The following PURA variants were observed in gnomAD, a reference collection of about 807,000 sequenced individuals.
PURA encodes the protein purine rich element binding protein A.
In PURA, 2 loss-of-function variants were observed where a neutral mutation model predicts 23.1. That is an observed-to-expected ratio of 0.09 (90% CI 0.04 to 0.27). PURA has a LOEUF of 0.27. Among genes scored for constraint, PURA ranks in the 10% least tolerant of loss-of-function variants. The pLI is 1.00. For missense variants in PURA, 187 were observed against 449.7 expected (o/e 0.42, Z 5.28); for synonymous variants, 254 against 205.9 (o/e 1.23, Z -2.00).
In PURA at chr5:140,124,976, G is replaced by T. The variant is rs1361009369; in HGVS notation, c.*9826G>T. On this transcript the variant is annotated 3_prime_UTR_variant, in exon 1 of 1. Coordinates refer to ENST00000331327, the MANE Select transcript of PURA (RefSeq NM_005859.5). ...AATAAAGGGAAAAGATCAGCAATTT[G>T]TCCCTGGCCTTTTTCGAGGCCATTT... 1.8e-5 allele frequency: 3 copies of T among 167,010 alleles called. No homozygotes were observed. Among genetic ancestry groups the T allele is most frequent in the Non-Finnish European group, 4.4e-5 (3 of 68,090 alleles). The allele number at this position is 167,010 out of a possible 1,614,324, so 10.3% of individuals were successfully genotyped here. A position where few individuals can be genotyped will look rare whatever the true frequency, so the allele number is the denominator to read the frequency against.
rs1033055639 is a variant in PURA, at chr5:140,123,971, C to G, written c.*8821C>G. ...TTTTCAAGTTGTTATATTGAATATT[C>G]CTTTTTGGAATTCAGGGTTGAATCA... On this transcript the variant is annotated 3_prime_UTR_variant, in exon 1 of 1. Coordinates refer to ENST00000331327, the MANE Select transcript of PURA (RefSeq NM_005859.5). 2 of 166,882 alleles carry G rather than the reference C, an allele frequency of 1.2e-5. No individual in the cohort carries two copies. The highest frequency in any genetic ancestry group is 2.9e-5 in the Non-Finnish European group (2 of 68,046). The allele number at this position is 166,882 out of a possible 1,614,324, so 10.3% of individuals were successfully genotyped here.
In PURA at chr5:140,120,155, A is replaced by C. The variant is rs558442798; in HGVS notation, c.*5005A>C. On this transcript the variant is annotated 3_prime_UTR_variant, in exon 1 of 1. Coordinates refer to ENST00000331327, the MANE Select transcript of PURA (RefSeq NM_005859.5). ...GGTGATGACTCTGAGTATAACATTT[A>C]TAGTTTATTATCCCTAAATTTGAAT... 2.4e-3 allele frequency: 406 copies of C among 166,968 alleles called. 3 individuals carry two copies. Among genetic ancestry groups the C allele is most frequent in the Non-Finnish European group, 1.0e-4 (7 of 67,948 alleles). 10.3% of individuals were successfully genotyped at this position (166,968 alleles called of 1,614,324 possible). A position where few individuals can be genotyped will look rare whatever the true frequency, so the allele number is the denominator to read the frequency against.
At position 140,119,670 on chromosome 5, in the gene PURA, A is replaced by C. The variant is rs1686725968; in HGVS notation, c.*4520A>C. Reference sequence around the variant, plus strand: ...ATGTAACTTGACGTTTGGGGGGATTATCTCATTCATTTTTGTTTGTGTGCT... The same window carrying C: ...ATGTAACTTGACGTTTGGGGGGATTCTCTCATTCATTTTTGTTTGTGTGCT... On this transcript the variant is annotated 3_prime_UTR_variant, in exon 1 of 1. Transcript: ENST00000331327. 6.0e-6 allele frequency: 1 copy of C among 166,710 alleles called. No individual in the cohort carries two copies. Among genetic ancestry groups the C allele is most frequent in the Non-Finnish European group, 1.5e-5 (1 of 67,916 alleles). 10.3% of individuals were successfully genotyped at this position (166,710 alleles called of 1,614,324 possible).
At position 140,115,250 on chromosome 5, in the gene PURA, A is replaced by T; in HGVS notation, c.*100A>T. ...CTGTAAAGAAAGAGAGAAAATAAAA[A>T]GTTAAAAAGTTAAAAAAAAAAAAAA... is the stretch of plus-strand genomic sequence containing the variant. On this transcript the variant is annotated 3_prime_UTR_variant, in exon 1 of 1. Transcript: ENST00000331327. The surrounding 1 kb of genome is among the most constrained non-coding windows in gnomAD (Gnocchi z 4.1). The T allele has an allele frequency of 1.3e-6, 1 of 789,058 alleles. No homozygotes were observed. The highest frequency in any genetic ancestry group is 1.8e-6 in the Non-Finnish European group (1 of 549,076). 48.9% of individuals were successfully genotyped at this position (789,058 alleles called of 1,614,324 possible).
Position 140,116,841 on chromosome 5 carries a change from G to A in PURA, c.*1691G>A, listed in dbSNP as rs960826096. ...TGGTAAAAAAAAAAAAAAAAAAAAA[G>A]GGTCTTGTCTGACAGAGAGTTCTGG... On this transcript the variant is annotated 3_prime_UTR_variant, in exon 1 of 1. Coordinates refer to ENST00000331327, the MANE Select transcript of PURA (RefSeq NM_005859.5). 19 of 152,032 alleles carry A rather than the reference G, an allele frequency of 1.2e-4. 1 individual carries two copies. Among genetic ancestry groups the A allele is most frequent in the Non-Finnish European group, 4.6e-5 (3 of 65,880 alleles). 9.4% of individuals were successfully genotyped at this position (152,032 alleles called of 1,614,324 possible). A position where few individuals can be genotyped will look rare whatever the true frequency, so the allele number is the denominator to read the frequency against.
In PURA at chr5:140,117,164, A is replaced by C. The variant is rs1763089624; in HGVS notation, c.*2014A>C. 6.0e-6 allele frequency: 1 copy of C among 167,066 alleles called. No individual in the cohort carries two copies. Among genetic ancestry groups the C allele is most frequent in the Non-Finnish European group, 1.5e-5 (1 of 68,104 alleles). The allele number at this position is 167,066 out of a possible 1,614,324, so 10.3% of individuals were successfully genotyped here. A position where few individuals can be genotyped will look rare whatever the true frequency, so the allele number is the denominator to read the frequency against. On this transcript the variant is annotated 3_prime_UTR_variant, in exon 1 of 1. Transcript: ENST00000331327. ...TTTCCCATTAAATTGTTTGCTTTTA[A>C]TATTCAATGTTAAATATGAGGTGAC...
In PURA at chr5:140,125,186, A is replaced by G. The variant is rs1025537604; in HGVS notation, c.*10036A>G. 7 of 166,998 alleles carry G rather than the reference A, an allele frequency of 4.2e-5. No individual in the cohort carries two copies. The highest frequency in any genetic ancestry group is 1.2e-4 in the African/African-American group (5 of 41,466). 10.3% of individuals were successfully genotyped at this position (166,998 alleles called of 1,614,324 possible). ...TAATTTTGCATACAACTTCAGGGGC[A>G]TCACACATCTTCTGAAACCCAAGTT... On this transcript the variant is annotated 3_prime_UTR_variant, in exon 1 of 1. Coordinates refer to ENST00000331327, the MANE Select transcript of PURA (RefSeq NM_005859.5).
rs1237698725 is a variant in PURA at position 140,120,464 on chromosome 5, T to C, written c.*5314T>C. 6.0e-6 allele frequency: 1 copy of C among 166,798 alleles called. No homozygotes were observed. The highest frequency in any genetic ancestry group is 1.5e-5 in the Non-Finnish European group (1 of 67,956). 10.3% of individuals were successfully genotyped at this position (166,798 alleles called of 1,614,324 possible). A position where few individuals can be genotyped will look rare whatever the true frequency, so the allele number is the denominator to read the frequency against. ...TATGCTATAAAACTAAAGTGATCACTGCTATTCACGAATTATTATAGAATC... is the reference window on the plus strand; with the variant it reads ...TATGCTATAAAACTAAAGTGATCACCGCTATTCACGAATTATTATAGAATC... On this transcript the variant is annotated 3_prime_UTR_variant, in exon 1 of 1. Transcript: ENST00000331327.
At position 140,114,355 on chromosome 5, in the gene PURA, G is replaced by C; in HGVS notation, c.174G>C (p.Thr58=). 1 of 1,594,418 alleles carries C rather than the reference G, an allele frequency of 6.3e-7. No homozygotes were observed. Among genetic ancestry groups the C allele is most frequent in the Non-Finnish European group, 8.5e-7 (1 of 1,175,256 alleles). ...GGAPGGLQHE[T]QELASKRVDI... ...CCCCAGGGGGGCTGCAGCACGAGAC[G>C]CAGGAGCTGGCCTCCAAGCGGGTGG... The change falls in exon 1 of 1, where the codon ACG becomes ACC. Residue 58 remains threonine, a synonymous_variant. Coordinates refer to ENST00000331327, the MANE Select transcript of PURA (RefSeq NM_005859.5).
chr5:140,123,458 G>A lies in PURA; in HGVS notation c.*8308G>A, dbSNP rs555375293. ...CTTGATTTTTTGAAAGTTAAGGCTA[G>A]TCACTTTCACTTTTGTTTCTAGTCT... On this transcript the variant is annotated 3_prime_UTR_variant, in exon 1 of 1. Transcript: ENST00000331327. 49 of 167,002 alleles carry A rather than the reference G, an allele frequency of 2.9e-4. No homozygotes were observed. The highest frequency in any genetic ancestry group is 6.3e-4 in the Non-Finnish European group (43 of 68,060). The allele number at this position is 167,002 out of a possible 1,614,324, so 10.3% of individuals were successfully genotyped here. A position where few individuals can be genotyped will look rare whatever the true frequency, so the allele number is the denominator to read the frequency against.
rs765264099 is a variant in PURA, at chr5:140,118,070, T to C, written c.*2920T>C. On this transcript the variant is annotated 3_prime_UTR_variant, in exon 1 of 1. Transcript: ENST00000331327. ...GTTGGAATTTTTCCTTGTTTTTATT[T>C]TACTAGTTGGTAAACCCTGTTTATG... The C allele has an allele frequency of 3.0e-5, 5 of 166,900 alleles. No homozygotes were observed. Among genetic ancestry groups the C allele is most frequent in the Non-Finnish European group, 7.3e-5 (5 of 68,094 alleles). The allele number at this position is 166,900 out of a possible 1,614,324, so 10.3% of individuals were successfully genotyped here.
rs547090001 is a variant in PURA, at chr5:140,117,961, T to C, written c.*2811T>C. The C allele has an allele frequency of 6.0e-6, 1 of 166,924 alleles. No homozygotes were observed. Among genetic ancestry groups the C allele is most frequent in the South Asian group, 2.1e-4 (1 of 4,814 alleles). The allele number at this position is 166,924 out of a possible 1,614,324, so 10.3% of individuals were successfully genotyped here. On this transcript the variant is annotated 3_prime_UTR_variant, in exon 1 of 1. Coordinates refer to ENST00000331327, the MANE Select transcript of PURA (RefSeq NM_005859.5). ...CCCAAGCACCCTCCCAAACCTTGTC[T>C]TCCCTCTTCTGTTGCATCCTTTCCC...
rs1561794971 is a variant in PURA at position 140,120,958 on chromosome 5, A to G, written c.*5808A>G. On this transcript the variant is annotated 3_prime_UTR_variant, in exon 1 of 1. Coordinates refer to ENST00000331327, the MANE Select transcript of PURA (RefSeq NM_005859.5). ...GATTGTCCTGTTGATAGGCAGAAAC[A>G]TGGTGGTGATCCTCTATGTAAAATA... The G allele has an allele frequency of 6.0e-6, 1 of 166,828 alleles. No individual in the cohort carries two copies. The highest frequency in any genetic ancestry group is 1.5e-5 in the Non-Finnish European group (1 of 67,974). The allele number at this position is 166,828 out of a possible 1,614,324, so 10.3% of individuals were successfully genotyped here. A position where few individuals can be genotyped will look rare whatever the true frequency, so the allele number is the denominator to read the frequency against.
chr5:140,116,664 G>A lies in PURA; in HGVS notation c.*1514G>A, dbSNP rs181887421. 3.6e-5 allele frequency: 6 copies of A among 166,838 alleles called. No individual in the cohort carries two copies. Among genetic ancestry groups the A allele is most frequent in the African/African-American group, 1.5e-4 (6 of 41,372 alleles). The allele number at this position is 166,838 out of a possible 1,614,324, so 10.3% of individuals were successfully genotyped here. A position where few individuals can be genotyped will look rare whatever the true frequency, so the allele number is the denominator to read the frequency against. ...TAAAGATGTTTGTGTGCTTTTAATTGACAACTAACTTCTTGCTGCTGTATA... is the reference window on the plus strand; with the variant it reads ...TAAAGATGTTTGTGTGCTTTTAATTAACAACTAACTTCTTGCTGCTGTATA... On this transcript the variant is annotated 3_prime_UTR_variant, in exon 1 of 1. Transcript: ENST00000331327.
rs1172213479 is a variant in PURA, at chr5:140,115,274, A to C, written c.*124A>C. On this transcript the variant is annotated 3_prime_UTR_variant, in exon 1 of 1. Transcript: ENST00000331327. This position sits in a 1 kb window ranked among gnomAD's most constrained non-coding sequence, Gnocchi z 4.1. ...AAGTTAAAAAGTTAAAAAAAAAAAA[A>C]AACCTGTTAACTCCAAGGGAGCACC... The C allele has an allele frequency of 1.5e-5, 11 of 733,384 alleles. No individual in the cohort carries two copies. The East Asian group carries it at 3.2e-4, about 21-fold the overall frequency. 45.4% of individuals were successfully genotyped at this position (733,384 alleles called of 1,614,324 possible).
Position 140,115,103 on chromosome 5 carries a change from G to A in PURA, c.922G>A (p.Ala308Thr), listed in dbSNP as rs1286829864. Residue 308 changes from alanine to threonine, a missense_variant, in exon 1 of 1, where the codon GCT (alanine) becomes ACT (threonine). Ala to Thr is a moderately conservative substitution (Grantham distance 58, BLOSUM62 0). This residue lies in a region of PURA where 65 missense variants were observed against 158.6 expected (regional missense o/e 0.41). Coordinates refer to ENST00000331327, the MANE Select transcript of PURA (RefSeq NM_005859.5). The surrounding 1 kb of genome is among the most constrained non-coding windows in gnomAD (Gnocchi z 4.1). ...ACAGCAGCAGCAGGAGGAGACCGCC[G>A]CTGCCACCCTGCTACTGCAGGGTGA... ...QQQQQQEETA[A>T]ATLLLQGEEE... 1.2e-6 allele frequency: 2 copies of A among 1,608,128 alleles called. No individual in the cohort carries two copies. Among genetic ancestry groups the A allele is most frequent in the African/African-American group, 1.3e-5 (1 of 74,808 alleles).
rs941669046 is a variant in PURA, at chr5:140,121,095, G to A, written c.*5945G>A. ...TAATTATTAGCAATTAGCTTATTTT[G>A]TAGCATTAGATGGAAAAATGTTTAA... On this transcript the variant is annotated 3_prime_UTR_variant, in exon 1 of 1. Transcript: ENST00000331327. The A allele has an allele frequency of 6.0e-6, 1 of 166,816 alleles. No individual in the cohort carries two copies. The highest frequency in any genetic ancestry group is 2.4e-5 in the African/African-American group (1 of 41,408). The allele number at this position is 166,816 out of a possible 1,614,324, so 10.3% of individuals were successfully genotyped here.
rs1416395824 is a variant in PURA at position 140,122,316 on chromosome 5, T to TCG, written c.*7167_*7168insGC. 6.0e-6 allele frequency: 1 copy of TCG among 166,870 alleles called. No individual in the cohort carries two copies. Among genetic ancestry groups the TCG allele is most frequent in the African/African-American group, 2.4e-5 (1 of 41,448 alleles). 10.3% of individuals were successfully genotyped at this position (166,870 alleles called of 1,614,324 possible). A position where few individuals can be genotyped will look rare whatever the true frequency, so the allele number is the denominator to read the frequency against. On this transcript the variant is annotated 3_prime_UTR_variant, in exon 1 of 1. Transcript: ENST00000331327. The stretch of plus-strand genomic sequence containing the variant: ...ACACATACTATCTATTTTCTTGGGC[T>TCG]CTTGTTACAATGTAGTTTACCTTTA...
chr5:140,115,424 G>C lies in PURA; in HGVS notation c.*274G>C. ...GCTAAAAACAAAAAAAATACAAAAAGTAATAACATTATATGAACTGTGTTT... is the reference window on the plus strand; with the variant it reads ...GCTAAAAACAAAAAAAATACAAAAACTAATAACATTATATGAACTGTGTTT... On this transcript the variant is annotated 3_prime_UTR_variant, in exon 1 of 1. Coordinates refer to ENST00000331327, the MANE Select transcript of PURA (RefSeq NM_005859.5). This position sits in a 1 kb window ranked among gnomAD's most constrained non-coding sequence, Gnocchi z 4.1. 4 of 251,434 alleles carry C rather than the reference G, an allele frequency of 1.6e-5. No homozygotes were observed. Among genetic ancestry groups the C allele is most frequent in the Admixed American group, 5.5e-5 (1 of 18,284 alleles). The allele number at this position is 251,434 out of a possible 1,614,324, so 15.6% of individuals were successfully genotyped here.
Sources: gnomAD v4.1 joint callset for allele counts on GRCh38, gnomAD v4.1.1 for gene constraint, gnomAD v4.1.1 regional missense constraint, Gnocchi (gnomAD v3.1) non-coding constraint, MANE v1.5 for transcripts, NCBI Gene and HGNC (gene_info 2026-07-23, HGNC 2026-07-21) for gene names.